PLEC: variants seen among roughly 807,000 people sequenced by gnomAD.
PLEC encodes the protein plectin.
A neutral mutation model predicts 392.8 loss-of-function variants in PLEC; 216 were observed. The observed-to-expected ratio is 0.55, with a 90% CI of 0.49 to 0.62. The LOEUF (loss-of-function observed/expected upper bound fraction) is 0.62, where lower values mean the gene tolerates loss of function less well. Ranked by LOEUF, PLEC falls within the 20% of genes least tolerant of loss-of-function variation. The pLI, the probability that PLEC is intolerant of heterozygous loss-of-function variation, is 0.00. For synonymous variants in PLEC, 3,621 were observed against 2,980.6 expected (o/e 1.21, Z -7.00); for missense variants, 6,863 against 6,563.4 (o/e 1.05, Z -1.58).
chr8:143,928,461 C>A (rs1826016049), intron 25 of PLEC, among the ~76,000 whole-genome samples: 2 of 149,970 alleles, frequency 1.3e-5, no homozygotes, highest in South Asian at 4.3e-4. Flanking sequence ...TGGTTTGCAA[C>A]ACAGGAAGAG....
At chr8:143,971,144 G>A (rs1429790338) in intron 1 of PLEC, among the ~76,000 whole-genome samples, 5 of 151,750 alleles carry the variant, frequency 3.3e-5, no homozygotes, top group Non-Finnish European at 4.4e-5. Context: ...GGTCTGAGAC[G>A]TTGTGGGGTG....
At position 143,923,521 on chromosome 8, in the gene PLEC, C is replaced by T. The variant is rs200444977; in HGVS notation, c.6408G>A (p.Glu2136=). 2.5e-4 allele frequency: 393 copies of T among 1,595,770 alleles called. 2 individuals carry two copies. The African/African-American group carries it at 4.7e-3, about 19-fold the overall frequency. Residue 2136 remains glutamate, a synonymous_variant, in exon 31 of 32, where the codon GAG becomes GAA. Coordinates refer to ENST00000345136, the MANE Select transcript of PLEC (RefSeq NM_201384.3). The part of the protein sequence containing the change: ...QARAQAQAAA[E]KLRKEAEQEA... ...CTTGCTCGGCCTCCTTGCGCAGCTT[C>T]TCTGCAGCCGCCTGTGCCTGAGCCC...
chr8:143,946,504 G>C, intron 1 of PLEC: 1 of 768,878 alleles, frequency 1.3e-6, no homozygotes, highest in Non-Finnish European at 1.9e-6. Flanking sequence ...TGGTAGCAGC[G>C]GCTCCTCCTC....
rs1490394365 is a variant in PLEC, at chr8:143,922,726, C to G, written c.7203G>C (p.Glu2401Asp). The G allele has an allele frequency of 1.2e-6, 2 of 1,611,544 alleles. No homozygotes were observed. The highest frequency in any genetic ancestry group is 2.2e-5 in the East Asian group (1 of 44,842). The change falls in exon 31 of 32, where the codon GAG becomes GAC. Residue 2401 changes from glutamate to aspartate, a missense_variant. By Grantham distance (45) the Glu-to-Asp change is conservative (BLOSUM62 2). Coordinates refer to ENST00000345136, the MANE Select transcript of PLEC (RefSeq NM_201384.3). Reference protein sequence around the residue: ...EMSRAQARAEEDAQRFRKQAE... With the variant: ...EMSRAQARAEDDAQRFRKQAE... ...CCTGCTTCCGGAAGCGCTGGGCGTC[C>G]TCCTCAGCGCGGGCCTGGGCTCGGC...
chr8:143,928,146 GAGA>G (rs1239725201), intron 25 of PLEC, among the ~76,000 whole-genome samples, 154 bp from the exon 26 acceptor site: 3 of 152,376 alleles, frequency 2.0e-5, no homozygotes, highest in African/African-American at 7.2e-5. Context: ...CTTGCTTCAG[GAGA>G]AGAACAGCCT....
upstream of PLEC, chr8:143,943,879 C>T (rs1278955971): frequency 8.1e-6 from 13 of 1,611,586 alleles, no homozygotes; most frequent in East Asian, 4.5e-5. Flanking sequence ...ACAGGCTGCC[C>T]GAGGGCTCCA....
upstream of PLEC, chr8:143,958,796 C>G (rs1045198636): frequency 6.5e-5 from 21 of 323,714 alleles, 1 homozygote; most frequent in South Asian, 4.2e-4. This position sits in a 1 kb window ranked among gnomAD's most constrained non-coding sequence, Gnocchi z 4.9. Flanking sequence ...CCTCCAACAC[C>G]GAGACACCTG....
chr8:143,958,032 C>T (rs1437065946), upstream of PLEC, among the ~76,000 whole-genome samples: 1 of 152,204 alleles, frequency 6.6e-6, no homozygotes, highest in Non-Finnish European at 1.5e-5. The surrounding 1 kb of genome is among the most constrained non-coding windows in gnomAD (Gnocchi z 4.9). Flanking sequence ...CTCAGCCCTC[C>T]GGAGGCACAG....
rs1377653304 is a variant in PLEC at position 143,916,222 on chromosome 8, C to A, written c.13599G>T (p.Ser4533=). ...GGCCCCCCAGGGAGGCCGAGGACCC[C>A]GAGGCGTAGCGGCGGCCGTAGCCCG... ...SSSGYGRRYA[S]GSSASLGGPE... is the part of the protein sequence containing the mutation. Residue 4533 remains serine, a synonymous_variant, in exon 32 of 32, where the codon TCG becomes TCT. Coordinates refer to ENST00000345136, the MANE Select transcript of PLEC (RefSeq NM_201384.3). 4 of 1,546,044 alleles carry A rather than the reference C, an allele frequency of 2.6e-6. No homozygotes were observed. In the African/African-American group the frequency reaches 5.5e-5, roughly 21 times the overall value.
chr8:143,975,245 C>T (rs781921173), upstream of PLEC: 1 of 1,607,604 alleles, frequency 6.2e-7, no homozygotes, highest in South Asian at 1.1e-5. The surrounding 1 kb of genome is among the most constrained non-coding windows in gnomAD (Gnocchi z 9.9). Context: ...GCCACCCCCG[C>T]TGCGCCGGCT....
rs183401234 is a variant in PLEC at position 143,921,196 on chromosome 8, G to C, written c.8625C>G (p.Pro2875=). ...GTGGCAGAAGGCACAGGCCCGTCTC[G>C]GGGTCCTCCACGCAGCGCTCCAGTA... The part of the protein sequence containing the change: ...LQLLERCVED[P]ETGLCLLPLT... Residue 2875 remains proline (P), a synonymous_variant, in exon 32 of 32, where the codon CCC becomes CCG. Transcript: ENST00000345136. 4 of 1,613,980 alleles carry C rather than the reference G, an allele frequency of 2.5e-6. No individual in the cohort carries two copies. Among genetic ancestry groups the C allele is most frequent in the Non-Finnish European group, 3.4e-6 (4 of 1,180,050 alleles).
Position 143,925,796 on chromosome 8 carries a change from G to A in PLEC, c.4133C>T (p.Ala1378Val), listed in dbSNP as rs782590460. 37 of 1,573,716 alleles carry A rather than the reference G, an allele frequency of 2.4e-5. No homozygotes were observed. Among genetic ancestry groups the A allele is most frequent in the East Asian group, 6.9e-5 (3 of 43,570 alleles). Residue 1378 changes from alanine to valine, a missense_variant, in exon 31 of 32, where the codon GCG becomes GTG. By Grantham distance (64) the Ala-to-Val change is moderately conservative (BLOSUM62 0). Coordinates refer to ENST00000345136, the MANE Select transcript of PLEC (RefSeq NM_201384.3). ...ALEKQRQLAE[A>V]HAQAKAQAER... The stretch of plus-strand genomic sequence containing the variant: ...CGCCTGTGCCTTTGCCTGGGCGTGC[G>A]CCTCGGCCAGCTGCCGCTGCTTCTC...
In PLEC at chr8:143,933,252, CGTTGAA is replaced by C; in HGVS notation, c.1357_1362del (p.Phe453_Asn454del). On this transcript the variant is annotated inframe_deletion, in exon 13 of 32. Coordinates refer to ENST00000345136, the MANE Select transcript of PLEC (RefSeq NM_201384.3). Reference sequence around the variant, plus strand: ...CGTCCATCCTTGAGGGTCTGCACGTCGTTGAAGAGCAGCCGGATCATGCTATCCGCC... The same window carrying C: ...CGTCCATCCTTGAGGGTCTGCACGTCGAGCAGCCGGATCATGCTATCCGCC... The C allele has an allele frequency of 6.2e-7, 1 of 1,613,128 alleles. No homozygotes were observed. The highest frequency in any genetic ancestry group is 8.5e-7 in the Non-Finnish European group (1 of 1,179,982).
At chr8:143,939,210 G>A in intron 1 of PLEC, 140 bp downstream of exon 1, 1 of 1,194,498 alleles carries the variant, frequency 8.4e-7, no homozygotes, top group Non-Finnish European at 1.2e-6. Flanking sequence ...TCCGTGTTGG[G>A]TGGGGATGGC....
intron 1 of PLEC, among the ~76,000 whole-genome samples, chr8:143,967,129 C>T (rs570384824): frequency 3.6e-4 from 55 of 151,708 alleles, no homozygotes; most frequent in Admixed American, 6.6e-4. Flanking sequence ...TTTGGGAGGC[C>T]GAGGTGGGCA....
chr8:143,923,692 C>G lies in PLEC; in HGVS notation c.6237G>C (p.Leu2079=), dbSNP rs534977614. 3.2e-6 allele frequency: 5 copies of G among 1,545,616 alleles called. No homozygotes were observed. The Admixed American group carries it at 7.6e-5, about 23-fold the overall frequency. Residue 2079 remains leucine (L), a synonymous_variant, in exon 31 of 32, where the codon CTG becomes CTC. Coordinates refer to ENST00000345136, the MANE Select transcript of PLEC (RefSeq NM_201384.3). ...LQQEQSVLDQ[L]RGEAEAARRA... ...GCCGGGCCGCCTCCGCCTCGCCGCG[C>G]AGCTGGTCCAGCACGCTCTGCTCCT...
chr8:143,917,713 C>T lies in PLEC; in HGVS notation c.12108G>A (p.Lys4036=), dbSNP rs1465441438. 16 of 1,613,506 alleles carry T rather than the reference C, an allele frequency of 9.9e-6. No homozygotes were observed. Among genetic ancestry groups the T allele is most frequent in the Non-Finnish European group, 1.4e-5 (16 of 1,180,020 alleles). The change falls in exon 32 of 32, where the codon AAG becomes AAA. Residue 4036 remains lysine, a synonymous_variant. Transcript: ENST00000345136. ...FQAMKKGLIL[K]DHGIRLLEAQ... ...CCTCCAGCAGGCGGATGCCATGGTC[C>T]TTCAGGATCAGGCCCTTCTTCATGG...
In PLEC at chr8:143,924,216, C is replaced by T. The variant is rs1300397162; in HGVS notation, c.5713G>A (p.Glu1905Lys). The T allele has an allele frequency of 6.9e-6, 11 of 1,598,828 alleles. No individual in the cohort carries two copies. The highest frequency in any genetic ancestry group is 6.7e-5 in the East Asian group (3 of 44,842). ...LAQLRKASDS[E>K]LERQKGLVED... ...ACCAGCCCCTTCTGCCGCTCCAGCTCGCTGTCCGATGCCTTGCGCAGCTGG... is the reference window on the plus strand; with the variant it reads ...ACCAGCCCCTTCTGCCGCTCCAGCTTGCTGTCCGATGCCTTGCGCAGCTGG... The change falls in exon 31 of 32, where the codon GAG (glutamate) becomes AAG (lysine). Residue 1905 changes from glutamate to lysine, a missense_variant. Physicochemically the swap from Glu to Lys is moderately conservative, Grantham distance 56 (BLOSUM62 1). Transcript: ENST00000345136.
intron 1 of PLEC, chr8:143,946,299 G>A: frequency 8.0e-7 from 1 of 1,245,170 alleles, no homozygotes; most frequent in Non-Finnish European, 1.1e-6. Context: ...GCCAGAGGCG[G>A]CCCCGGCCCT....
Sources: gnomAD v4.1 joint callset for allele counts (sites outside exome capture counted in the v4.1 genomes callset) on GRCh38, gnomAD v4.1.1 for gene constraint, Gnocchi (gnomAD v3.1) non-coding constraint, MANE v1.5 for transcripts, NCBI Gene and HGNC (gene_info 2026-07-23, HGNC 2026-07-21) for gene names.